Variants in BCAS1 observed in about 807,000 individuals in gnomAD.
BCAS1 encodes brain enriched myelin associated protein 1, also known as breast carcinoma-amplified sequence 1.
BCAS1 carries 46 observed loss-of-function variants against 65.4 expected under a neutral mutation model. The ratio of observed to expected loss-of-function variants is 0.70; its 90% CI spans 0.55 to 0.90. The LOEUF (loss-of-function observed/expected upper bound fraction) is 0.90, where lower values mean the gene tolerates loss of function less well. Ranked by LOEUF, BCAS1 falls within the 40% of genes least tolerant of loss-of-function variation. The pLI is 0.00. For synonymous variants in BCAS1, 298 were observed against 293.5 expected (o/e 1.02, Z -0.16); for missense variants, 793 against 771.2 (o/e 1.03, Z -0.33).
intron 4 of BCAS1, among the ~76,000 whole-genome samples, chr20:54,023,975 G>A (rs6123344): frequency 0.24 from 35,869 of 152,110 alleles, 4,273 homozygotes; most frequent in East Asian, 0.31. Flanking sequence ...CCATAATACT[G>A]GTAATAGCTA....
chr20:54,010,931 G>A (rs1452614582), intron 4 of BCAS1, among the ~76,000 whole-genome samples: 1 of 152,124 alleles, frequency 6.6e-6, no homozygotes, highest in African/African-American at 2.4e-5. Flanking sequence ...ACCCACACAA[G>A]TATGCCCAGA....
intron 10 of BCAS1, among the ~76,000 whole-genome samples, chr20:53,959,545 T>C (rs2089810842): frequency 6.6e-6 from 1 of 152,200 alleles, no homozygotes; most frequent in African/African-American, 2.4e-5. Flanking sequence ...TGAGCCACTG[T>C]GCTTGGCCCA....
chr20:53,994,851 A>T (rs2090859461), intron 6 of BCAS1, among the ~76,000 whole-genome samples, 161 bp downstream of exon 6: 2 of 151,816 alleles, frequency 1.3e-5, no homozygotes, highest in Non-Finnish European at 2.9e-5. Flanking sequence ...TGACAACCTA[A>T]CAGCACTATT....
intron 4 of BCAS1, among the ~76,000 whole-genome samples, chr20:54,027,832 T>C (rs2091708784): frequency 6.6e-6 from 1 of 151,548 alleles, no homozygotes; most frequent in Admixed American, 6.6e-5. Flanking sequence ...CCCTAGTTTT[T>C]ACAAAGGTTT....
intron 9 of BCAS1, among the ~76,000 whole-genome samples, chr20:53,969,424 T>A (rs559337876): frequency 1.3e-5 from 2 of 152,160 alleles, no homozygotes; most frequent in Non-Finnish European, 2.9e-5. Flanking sequence ...GTGTTTAATA[T>A]TTTTTTATAA....
At chr20:53,978,459 G>T (rs1307255567) in intron 8 of BCAS1, among the ~76,000 whole-genome samples, 2 of 152,040 alleles carry the variant, frequency 1.3e-5, no homozygotes, top group African/African-American at 4.8e-5. Context: ...AAGTACAATA[G>T]ATAAAAAACA....
Position 53,957,416 on chromosome 20 carries a change from G to T in BCAS1, c.1551+16C>A. The stretch of plus-strand genomic sequence containing the variant: ...ACCACTAATCCCACCACCAAACTGA[G>T]TTCGAGGTCACTTACTTGGCAGCTG... On this transcript the variant is annotated intron_variant, in intron 11 of 12. Transcript: ENST00000688948. 6.2e-7 allele frequency: 1 copy of T among 1,609,142 alleles called. No homozygotes were observed. Among genetic ancestry groups the T allele is most frequent in the Non-Finnish European group, 8.5e-7 (1 of 1,175,384 alleles).
chr20:54,019,642 T>A (rs2091514709), intron 4 of BCAS1, among the ~76,000 whole-genome samples: 1 of 152,168 alleles, frequency 6.6e-6, no homozygotes, highest in African/African-American at 2.4e-5. Context: ...ACCCTCAATG[T>A]GGGTGGGCAC....
intron 8 of BCAS1, among the ~76,000 whole-genome samples, chr20:53,980,908 TGTG>T (rs1411408704): frequency 3.3e-5 from 5 of 152,246 alleles, no homozygotes; most frequent in Non-Finnish European, 7.3e-5. Flanking sequence ...ATGAGTATGT[TGTG>T]GTGGATGATC....
chr20:54,014,637 G>C (rs2091394011), intron 4 of BCAS1, among the ~76,000 whole-genome samples: 1 of 152,192 alleles, frequency 6.6e-6, no homozygotes, highest in Non-Finnish European at 1.5e-5. Context: ...TGAAAGTACA[G>C]GTGAACACAA....
intron 5 of BCAS1, 131 bp from the exon 6 acceptor site, chr20:53,995,187 A>G (rs1008840369): frequency 1.4e-6 from 1 of 734,462 alleles, no homozygotes; most frequent in Non-Finnish European, 2.2e-6. Context: ...AAGTATTTTT[A>G]GTTCAATAGA....
At chr20:54,056,867 G>T (rs1233257910) in intron 3 of BCAS1, among the ~76,000 whole-genome samples, 3 of 152,156 alleles carry the variant, frequency 2.0e-5, no homozygotes, top group African/African-American at 7.2e-5. Context: ...CTTATTATCA[G>T]TCAGGCACTG....
intron 12 of BCAS1, among the ~76,000 whole-genome samples, chr20:53,951,701 G>A (rs999007542): frequency 2.0e-5 from 3 of 152,176 alleles, no homozygotes; most frequent in African/African-American, 4.8e-5. Context: ...GAAGACTTGC[G>A]TTGGCAAATC....
In BCAS1 at chr20:54,035,949, C is replaced by T. The variant is rs1334038076; in HGVS notation, c.143-6977G>A. 4.0e-5 allele frequency among the ~76,000 whole-genome samples: 6 copies of T among 150,868 alleles called. 2 individuals carry two copies. Among genetic ancestry groups the T allele is most frequent in the South Asian group, 4.2e-4 (2 of 4,768 alleles). ...GCCATTATCCTTAGCAAAGTATTGC[C>T]GAAAAAGAAAATCAAATACTACATG... On this transcript the variant is annotated intron_variant, in intron 3 of 12. Coordinates refer to ENST00000688948, the MANE Select transcript of BCAS1 (RefSeq NM_001366298.2).
At chr20:54,063,868 T>G (rs1314974539) in intron 1 of BCAS1, among the ~76,000 whole-genome samples, 1 of 152,254 alleles carries the variant, frequency 6.6e-6, no homozygotes, top group Non-Finnish European at 1.5e-5. Context: ...AAGAGCTAAC[T>G]TTCATTTTTG....
chr20:54,048,802 G>C lies in BCAS1; in HGVS notation c.142+9283C>G, dbSNP rs141427332. Among the ~76,000 whole-genome samples the C allele has an allele frequency of 2.6e-3, 400 of 152,322 alleles. 2 individuals carry two copies. The highest frequency in any genetic ancestry group is 9.5e-3 in the African/African-American group (393 of 41,566). ...TTCGGCCTTATTATTTTATTCCTCTGCTACCACTGGCTTAATATGCCACTG... is the reference window on the plus strand; with the variant it reads ...TTCGGCCTTATTATTTTATTCCTCTCCTACCACTGGCTTAATATGCCACTG... On this transcript the variant is annotated intron_variant, in intron 3 of 12. Coordinates refer to ENST00000688948, the MANE Select transcript of BCAS1 (RefSeq NM_001366298.2).
At chr20:54,061,923 T>C (rs2092381231) in intron 1 of BCAS1, among the ~76,000 whole-genome samples, 1 of 151,904 alleles carries the variant, frequency 6.6e-6, no homozygotes, top group Non-Finnish European at 1.5e-5. Flanking sequence ...CCTGTTTTAG[T>C]AGGCCAGTGA....
chr20:54,064,206 C>G (rs918261164), intron 1 of BCAS1, among the ~76,000 whole-genome samples: 1 of 152,222 alleles, frequency 6.6e-6, no homozygotes, highest in Non-Finnish European at 1.5e-5. Context: ...CTGATGACAG[C>G]AGATTCTCTG....
intron 4 of BCAS1, among the ~76,000 whole-genome samples, chr20:53,997,825 G>A (rs2090957170): frequency 6.6e-6 from 1 of 152,066 alleles, no homozygotes; most frequent in Non-Finnish European, 1.5e-5. Context: ...AGCTTGGTCT[G>A]GAGGTGGGTG....
Sources: allele counts gnomAD v4.1 joint callset (sites outside exome capture counted in the v4.1 genomes callset), GRCh38; gene constraint gnomAD v4.1.1; transcripts MANE v1.5; gene names NCBI Gene and HGNC (gene_info 2026-07-23, HGNC 2026-07-21).